The following TLE6 variants were observed in gnomAD, a reference collection of about 807,000 sequenced individuals.
The protein encoded by TLE6 is transducin-like enhancer protein 6.
TLE6 carries 72 observed loss-of-function variants against 77.1 expected under a neutral mutation model. The ratio of observed to expected loss-of-function variants is 0.93; its 90% CI spans 0.77 to 1.14. The LOEUF (loss-of-function observed/expected upper bound fraction) is 1.14, where lower values mean the gene tolerates loss of function less well. TLE6 is among the 50% of genes most tolerant of loss of function. The probability of loss-of-function intolerance (pLI) is 0.00; values close to 1 mark genes in which losing one functional copy is unlikely to be tolerated. For synonymous variants in TLE6, 366 were observed against 287.3 expected (o/e 1.27, Z -2.77); for missense variants, 843 against 747.6 (o/e 1.13, Z -1.49).
chr19:2,989,887 C>T (rs2145053979), intron 13 of TLE6, 102 bp downstream of exon 13: 7 of 1,512,238 alleles, frequency 4.6e-6, no homozygotes, highest in South Asian at 2.5e-5. Context: ...CCTGCCACCT[C>T]CTGAACCTGG....
At chr19:2,988,153 T>C in intron 11 of TLE6, 25 bp downstream of exon 11, 1 of 1,550,938 alleles carries the variant, frequency 6.4e-7, no homozygotes, top group Non-Finnish European at 8.7e-7. Flanking sequence ...TGTTTGCTTT[T>C]GGGCGGGGTG....
In TLE6 at chr19:2,994,885, C is replaced by G; in HGVS notation, c.1615-15C>G. 8 of 1,548,046 alleles carry G rather than the reference C, an allele frequency of 5.2e-6. No homozygotes were observed. Among genetic ancestry groups the G allele is most frequent in the Non-Finnish European group, 7.1e-6 (8 of 1,133,990 alleles). On this transcript the variant is annotated splice_polypyrimidine_tract_variant and intron_variant, in intron 16 of 16. Coordinates refer to ENST00000246112, the MANE Select transcript of TLE6 (RefSeq NM_001143986.2). ...GAGCCCTACCCCAGCTCACTGCCCA[C>G]TGCCCCCCCTCCAGGTGCCTGAGAT... is the stretch of plus-strand genomic sequence containing the variant.
In TLE6 at chr19:2,993,423, A is replaced by C. The variant is rs375400860; in HGVS notation, c.1387-9A>C. 11 of 1,598,914 alleles carry C rather than the reference A, an allele frequency of 6.9e-6. 1 individual carries two copies. In the African/African-American group the frequency reaches 1.3e-4, roughly 20 times the overall value. ...CCAGGTTCCTCCCTCCCCACTGCCC[A>C]TTACCTAGATAATGAGCCTGTCCCA... On this transcript the variant is annotated splice_polypyrimidine_tract_variant and intron_variant, in intron 14 of 16. Coordinates refer to ENST00000246112, the MANE Select transcript of TLE6 (RefSeq NM_001143986.2).
At chr19:2,980,944 A>G (rs2088785397) in intron 3 of TLE6, among the ~76,000 whole-genome samples, 1 of 151,688 alleles carries the variant, frequency 6.6e-6, no homozygotes, top group African/African-American at 2.4e-5. Context: ...CCAGCTACTC[A>G]GGAGACTGAG....
At chr19:2,989,392 A>G in intron 12 of TLE6, 79 bp downstream of exon 12, 1 of 1,590,742 alleles carries the variant, frequency 6.3e-7, no homozygotes, top group Non-Finnish European at 8.6e-7. Flanking sequence ...CAGAGCCCAG[A>G]TCGTGGAGAG....
intron 15 of TLE6, among the ~76,000 whole-genome samples, 154 bp from the exon 16 acceptor site, chr19:2,993,865 T>G (rs1051885542): frequency 7.4e-6 from 1 of 134,736 alleles, no homozygotes; most frequent in Middle Eastern, 3.8e-3. Flanking sequence ...CACAGTGAAC[T>G]GTGATCATAC....
rs1397187324 is a variant in TLE6 at position 2,992,535 on chromosome 19, C to T, written c.1386+551C>T. Among the ~76,000 whole-genome samples the T allele has an allele frequency of 2.6e-5, 4 of 152,104 alleles. No individual in the cohort carries two copies. In the East Asian group the frequency reaches 5.8e-4, roughly 22 times the overall value. On this transcript the variant is annotated intron_variant, in intron 14 of 16. Transcript: ENST00000246112. ...CCTGCAATCCCACCACTTTGGGAGG[C>T]AGAAGTGGGAGGAAGACTTGAGCCC...
At position 2,995,151 on chromosome 19, in the gene TLE6, C is replaced by A; in HGVS notation, c.*147C>A. The A allele has an allele frequency of 1.9e-6, 1 of 523,626 alleles. No homozygotes were observed. The highest frequency in any genetic ancestry group is 3.1e-5 in the East Asian group (1 of 32,214). 32.4% of individuals were successfully genotyped at this position (523,626 alleles called of 1,614,324 possible). A position where few individuals can be genotyped will look rare whatever the true frequency, so the allele number is the denominator to read the frequency against. ...GTCTGTGGTGTAGACTGGTCGCCAT[C>A]ACGTGTAATAAAGCACCCGGGAAAG... On this transcript the variant is annotated 3_prime_UTR_variant, in exon 17 of 17. Transcript: ENST00000246112.
chr19:2,993,339 C>A (rs148156496), intron 14 of TLE6, 93 bp from the exon 15 acceptor site: 2 of 1,371,568 alleles, frequency 1.5e-6, no homozygotes, highest in East Asian at 2.6e-5. Context: ...GTCAGTCACC[C>A]GGCCTCCAGG....
intron 4 of TLE6, 144 bp downstream of exon 4, chr19:2,981,727 A>G (rs1373103169): frequency 4.5e-6 from 4 of 896,510 alleles, no homozygotes; most frequent in East Asian, 2.7e-5. Flanking sequence ...TCCCAGCACT[A>G]TGGGAGGGCG....
chr19:2,986,754 G>A (rs1777968728), intron 5 of TLE6, 75 bp from the exon 6 acceptor site: 3 of 1,392,900 alleles, frequency 2.2e-6, no homozygotes, highest in Non-Finnish European at 3.0e-6. Context: ...CTACAGGTGG[G>A]GATAATCATG....
intron 8 of TLE6, 121 bp from the exon 9 acceptor site, chr19:2,987,603 C>T: frequency 8.0e-7 from 1 of 1,251,404 alleles, no homozygotes; most frequent in Non-Finnish European, 1.2e-6. Context: ...GCAACTCTGC[C>T]TGGACCCGCA....
At chr19:2,991,564 C>T (rs1267843946) in intron 13 of TLE6, among the ~76,000 whole-genome samples, 2 of 151,176 alleles carry the variant, frequency 1.3e-5, no homozygotes, top group East Asian at 3.9e-4. Context: ...TCCTGTAGAC[C>T]TGCCTCAGAG....
At chr19:2,990,774 G>A (rs1428270866) in intron 13 of TLE6, among the ~76,000 whole-genome samples, 1 of 151,266 alleles carries the variant, frequency 6.6e-6, no homozygotes, top group Non-Finnish European at 1.5e-5. Flanking sequence ...GCCGAGGTGG[G>A]TGGATCACTT....
intron 13 of TLE6, among the ~76,000 whole-genome samples, chr19:2,991,348 G>T (rs1305172709): frequency 1.6e-5 from 2 of 121,880 alleles, no homozygotes; most frequent in Non-Finnish European, 3.2e-5. Context: ...AACAAAACGA[G>T]ACTCCATTTC....
intron 5 of TLE6, among the ~76,000 whole-genome samples, chr19:2,982,720 G>A (rs567139578): frequency 6.6e-6 from 1 of 152,072 alleles, no homozygotes; most frequent in South Asian, 2.1e-4. Flanking sequence ...TGATATTAGT[G>A]GAGGCCCCAT....
At chr19:2,985,635 G>A (rs2088893134) in intron 5 of TLE6, among the ~76,000 whole-genome samples, 1 of 145,736 alleles carries the variant, frequency 6.9e-6, no homozygotes, top group South Asian at 2.2e-4. Context: ...TAGCCAGGAT[G>A]GTCTCAATCT....
intron 12 of TLE6, 33 bp downstream of exon 12, chr19:2,989,346 G>A (rs752349574): frequency 6.2e-7 from 1 of 1,607,494 alleles, no homozygotes; most frequent in African/African-American, 1.3e-5. Context: ...GGGATGCAGG[G>A]CTTCTGGGAA....
chr19:2,993,703 A>G (rs1356306921), intron 15 of TLE6, 121 bp downstream of exon 15: 5 of 1,308,722 alleles, frequency 3.8e-6, no homozygotes, highest in Non-Finnish European at 5.2e-6. Flanking sequence ...CTGTAGCAGA[A>G]ACCAATTTTG....
Sources: gnomAD v4.1 joint callset for allele counts (sites outside exome capture counted in the v4.1 genomes callset) on GRCh38, gnomAD v4.1.1 for gene constraint, MANE v1.5 for transcripts, NCBI Gene and HGNC (gene_info 2026-07-23, HGNC 2026-07-21) for gene names.